Variants in EPB41L2 observed in about 807,000 individuals in gnomAD.
The protein encoded by EPB41L2 is band 4.1-like protein 2.
In EPB41L2, 43 loss-of-function variants were observed where a neutral mutation model predicts 113.0. That is an observed-to-expected ratio of 0.38 (90% CI 0.30 to 0.49). The LOEUF is 0.49. Among genes scored for constraint, EPB41L2 ranks in the 20% least tolerant of loss-of-function variants. EPB41L2 has a pLI of 0.95. For synonymous variants in EPB41L2, 442 were observed against 436.7 expected, an observed-to-expected ratio of 1.01 and a Z score of -0.15; for missense variants, 1,147 against 1,223.4, an observed-to-expected ratio of 0.94 and a Z score of 0.93.
intron 1 of EPB41L2, among the ~76,000 whole-genome samples, chr6:130,959,107 G>A (rs1208294211): frequency 2.6e-5 from 4 of 152,140 alleles, no homozygotes; most frequent in Admixed American, 2.6e-4. Context: ...CTTGATGTCC[G>A]GGCTGAATAT....
At chr6:131,057,962 T>C (rs1797917088) in intron 1 of EPB41L2, among the ~76,000 whole-genome samples, 1 of 152,206 alleles carries the variant, frequency 6.6e-6, no homozygotes, top group African/African-American at 2.4e-5. Context: ...ATGCAAAATT[T>C]CAACTTGGCT....
intron 15 of EPB41L2, chr6:130,868,920 C>A (rs1437195579): frequency 6.6e-6 from 1 of 152,380 alleles, no homozygotes; most frequent in Non-Finnish European, 1.5e-5. Context: ...TATCAAATAG[C>A]CTAGCCTCTG....
chr6:131,054,659 C>A (rs1797269311), intron 1 of EPB41L2, among the ~76,000 whole-genome samples: 1 of 152,232 alleles, frequency 6.6e-6, no homozygotes, highest in African/African-American at 2.4e-5. Context: ...ACCTTCACTA[C>A]AACAGTTACT....
At chr6:130,871,760 C>G (rs775742656) in intron 14 of EPB41L2, among the ~76,000 whole-genome samples, 2 of 152,216 alleles carry the variant, frequency 1.3e-5, no homozygotes, top group Non-Finnish European at 2.9e-5. Context: ...AACTCTCAAT[C>G]TATTTTGATA....
rs140939849 is a variant in EPB41L2, at chr6:130,998,462, A to G, written c.-14-41963T>C. ...TAAAAGAGTAGCTTAAGAATGCCTTAGGAAAAAAACGAAGAGAAGGAATGA... is the reference window on the plus strand; with the variant it reads ...TAAAAGAGTAGCTTAAGAATGCCTTGGGAAAAAAACGAAGAGAAGGAATGA... On this transcript the variant is annotated intron_variant, in intron 1 of 19. Transcript: ENST00000337057. Among the ~76,000 whole-genome samples the G allele has an allele frequency of 7.9e-5, 12 of 152,360 alleles. No individual in the cohort carries two copies. The East Asian group carries it at 2.3e-3, about 29-fold the overall frequency.
chr6:130,870,346 T>C, intron 14 of EPB41L2: 1 of 1,550,620 alleles, frequency 6.4e-7, no homozygotes, highest in Middle Eastern at 1.7e-4. Context: ...CATCCCTGGC[T>C]CCAGTGCAAG....
chr6:131,021,317 A>C (rs532595214), intron 1 of EPB41L2, among the ~76,000 whole-genome samples: 2 of 152,222 alleles, frequency 1.3e-5, no homozygotes, highest in African/African-American at 2.4e-5. Flanking sequence ...ACATTTAAAA[A>C]CCCACATAAA....
intron 1 of EPB41L2, among the ~76,000 whole-genome samples, chr6:131,024,053 A>G (rs778763924): frequency 1.3e-5 from 2 of 152,080 alleles, no homozygotes; most frequent in Non-Finnish European, 2.9e-5. Context: ...ACATGGAAAC[A>G]CATAATTTTA....
intron 1 of EPB41L2, among the ~76,000 whole-genome samples, chr6:130,969,824 GC>G (rs941888718): frequency 1.3e-5 from 2 of 152,150 alleles, no homozygotes; most frequent in African/African-American, 4.8e-5. Context: ...TCCTCACTGT[GC>G]TTCCAGAAAT....
chr6:130,870,300 T>G, intron 14 of EPB41L2, 174 bp from the exon 15 acceptor site: 1 of 1,550,270 alleles, frequency 6.5e-7, no homozygotes, highest in East Asian at 2.4e-5. Context: ...CGTGAGGCAA[T>G]GGTGTTAACA....
chr6:130,882,035 C>T (rs1388801504), intron 12 of EPB41L2: 2 of 152,150 alleles, frequency 1.3e-5, no homozygotes, highest in Admixed American at 1.3e-4. Context: ...GGGTTTCCAA[C>T]AAGAGAAATA....
intron 1 of EPB41L2, among the ~76,000 whole-genome samples, chr6:130,962,704 T>C (rs1315224596): frequency 6.6e-6 from 1 of 152,152 alleles, no homozygotes; most frequent in African/African-American, 2.4e-5. Flanking sequence ...CTAGTTCAAG[T>C]CTAGATGGGA....
chr6:130,886,639 G>GTTTGT (rs1554258091), intron 11 of EPB41L2, among the ~76,000 whole-genome samples: 4 of 151,440 alleles, frequency 2.6e-5, no homozygotes, highest in South Asian at 2.1e-4. Context: ...TGTTGTTGTT[G>GTTTGT]TTGTTTGTTT....
At chr6:130,944,879 G>C (rs1202263568) in intron 3 of EPB41L2, among the ~76,000 whole-genome samples, 1 of 152,214 alleles carries the variant, frequency 6.6e-6, no homozygotes, top group Non-Finnish European at 1.5e-5. Flanking sequence ...CTCTGCTGCT[G>C]TGAGCTCCTT....
intron 1 of EPB41L2, among the ~76,000 whole-genome samples, chr6:130,970,650 G>C (rs1026727735): frequency 3.3e-5 from 5 of 151,890 alleles, no homozygotes; most frequent in Admixed American, 1.3e-4. Context: ...TATGACTTTT[G>C]CTTTGCTTTG....
intron 1 of EPB41L2, among the ~76,000 whole-genome samples, chr6:130,963,226 T>C (rs1479797694): frequency 6.6e-6 from 1 of 152,204 alleles, no homozygotes; most frequent in Non-Finnish European, 1.5e-5. Flanking sequence ...CAAAAACATC[T>C]TGATGTTGAC....
chr6:130,910,903 AG>A (rs1799179041), intron 4 of EPB41L2, among the ~76,000 whole-genome samples: 1 of 152,234 alleles, frequency 6.6e-6, no homozygotes, highest in Non-Finnish European at 1.5e-5. Flanking sequence ...GTGGAGAAAC[AG>A]GAACACTTTT....
At chr6:131,055,326 T>A (rs1030716034) in intron 1 of EPB41L2, among the ~76,000 whole-genome samples, 1 of 152,208 alleles carries the variant, frequency 6.6e-6, no homozygotes, top group Non-Finnish European at 1.5e-5. Context: ...TTTATTCTGA[T>A]GTGTTTTATC....
chr6:130,986,591 T>TG (rs1780610289), intron 1 of EPB41L2, among the ~76,000 whole-genome samples: 2 of 151,754 alleles, frequency 1.3e-5, no homozygotes, highest in South Asian at 4.2e-4. Flanking sequence ...TTTTTTCTTT[T>TG]TTTTTTTTTG....
Sources: gnomAD v4.1 joint callset for allele counts (sites outside exome capture counted in the v4.1 genomes callset) on GRCh38, gnomAD v4.1.1 for gene constraint, MANE v1.5 for transcripts, NCBI Gene and HGNC (gene_info 2026-07-23, HGNC 2026-07-21) for gene names.